Variants in ANO2 observed in about 807,000 individuals in gnomAD.
ANO2 encodes the protein anoctamin-2.
Under a neutral mutation model 124.2 loss-of-function variants are expected in ANO2, and 101 were observed. The ratio of observed to expected loss-of-function variants is 0.81; its 90% CI spans 0.69 to 0.96. The LOEUF is 0.96. Ranked by LOEUF, ANO2 falls within the 40% of genes least tolerant of loss-of-function variation. ANO2 has a pLI of 0.00. For synonymous variants in ANO2, 486 were observed against 482.5 expected, an observed-to-expected ratio of 1.01 and a Z score of -0.09; for missense variants, 1,293 against 1,274.5, an observed-to-expected ratio of 1.01 and a Z score of -0.22.
chr12:5,667,701 C>T (rs972642797), intron 14 of ANO2, among the ~76,000 whole-genome samples: 3 of 152,088 alleles, frequency 2.0e-5, no homozygotes, highest in African/African-American at 7.2e-5. Context: ...CTCTCCCTAC[C>T]CCCTTCCATC....
chr12:5,801,451 C>A (rs1953035934), intron 9 of ANO2, among the ~76,000 whole-genome samples: 1 of 152,172 alleles, frequency 6.6e-6, no homozygotes. Context: ...ACACATTTCA[C>A]GAGGAAATCT....
chr12:5,593,988 A>G (rs567514225), intron 20 of ANO2, among the ~76,000 whole-genome samples: 1 of 152,368 alleles, frequency 6.6e-6, no homozygotes, highest in East Asian at 1.9e-4. Context: ...CAGAGATAAA[A>G]GAGATGAACG....
In ANO2 at chr12:5,923,066, A is replaced by ACACACG. The variant is rs1565783300; in HGVS notation, c.23-263_23-262insCGTGTG. Reference sequence around the variant, plus strand: ...TGCACGCACACACACCCACATACACACACACATGCACACATACACACACAC... The same window carrying ACACACG: ...TGCACGCACACACACCCACATACACACACACGCACACATGCACACATACACACACAC... On this transcript the variant is annotated intron_variant, in intron 1 of 24. Coordinates refer to ENST00000682330, the MANE Select transcript of ANO2 (RefSeq NM_001364791.2). Among the ~76,000 whole-genome samples the ACACACG allele has an allele frequency of 7.2e-5, 8 of 111,352 alleles. 1 individual carries two copies. Among genetic ancestry groups the ACACACG allele is most frequent in the Non-Finnish European group, 1.4e-4 (7 of 50,990 alleles). 73.1% of individuals were successfully genotyped at this position (111,352 alleles called of 152,430 possible).
chr12:5,737,272 G>C (rs1950908667), intron 13 of ANO2, among the ~76,000 whole-genome samples: 1 of 152,188 alleles, frequency 6.6e-6, no homozygotes, highest in Admixed American at 6.5e-5. Context: ...TTAGGCCCTG[G>C]GTAAACCCAG....
chr12:5,888,144 G>A (rs1939086243), intron 3 of ANO2, among the ~76,000 whole-genome samples: 1 of 152,106 alleles, frequency 6.6e-6, no homozygotes, highest in Admixed American at 6.5e-5. Flanking sequence ...TCCTCCTGGT[G>A]GGTTTGTGGT....
intron 4 of ANO2, among the ~76,000 whole-genome samples, 171 bp downstream of exon 4, chr12:5,853,871 GT>G (rs1197191228): frequency 3.4e-5 from 1 of 29,362 alleles, no homozygotes; most frequent in Admixed American, 4.8e-4. Context: ...ACTCTTCCCC[GT>G]CCCCGTCCCC....
intron 3 of ANO2, among the ~76,000 whole-genome samples, chr12:5,866,876 C>A (rs1220424532): frequency 6.6e-6 from 1 of 152,242 alleles, no homozygotes; most frequent in African/African-American, 2.4e-5. Context: ...GTCAAGGAAC[C>A]TTTAAGAAAA....
At chr12:5,844,465 G>C (rs902321241) in intron 4 of ANO2, among the ~76,000 whole-genome samples, 1 of 152,212 alleles carries the variant, frequency 6.6e-6, no homozygotes, top group Non-Finnish European at 1.5e-5. Flanking sequence ...GAATGTAACT[G>C]ACCCCAAAAG....
At chr12:5,903,154 G>C (rs992005669) in intron 3 of ANO2, among the ~76,000 whole-genome samples, 4 of 151,772 alleles carry the variant, frequency 2.6e-5, no homozygotes, top group African/African-American at 9.7e-5. Flanking sequence ...GTCTCATGCT[G>C]GTCTGTAAAG....
At chr12:5,660,090 T>C (rs1947363703) in intron 14 of ANO2, among the ~76,000 whole-genome samples, 1 of 152,172 alleles carries the variant, frequency 6.6e-6, no homozygotes, top group South Asian at 2.1e-4. Context: ...TTAATGATGG[T>C]TCGACTTACA....
chr12:5,613,170 G>A (rs746637117), intron 17 of ANO2, among the ~76,000 whole-genome samples: 14 of 152,126 alleles, frequency 9.2e-5, no homozygotes, highest in Admixed American at 3.9e-4. Context: ...CCAGTCAAAT[G>A]TCAGACGATA....
chr12:5,775,747 G>C (rs1485887073), intron 10 of ANO2, among the ~76,000 whole-genome samples: 1 of 152,130 alleles, frequency 6.6e-6, no homozygotes, highest in East Asian at 1.9e-4. Flanking sequence ...TTATTTAGAT[G>C]TGTGTCAGAA....
rs560164288 is a variant in ANO2, at chr12:5,793,572, G to A, written c.1055+5935C>T. Among the ~76,000 whole-genome samples, 8 of 152,340 alleles carry A rather than the reference G, an allele frequency of 5.3e-5. No homozygotes were observed. The South Asian group carries it at 1.7e-3, about 32-fold the overall frequency. On this transcript the variant is annotated intron_variant, in intron 10 of 24. Coordinates refer to ENST00000682330, the MANE Select transcript of ANO2 (RefSeq NM_001364791.2). Reference sequence around the variant, plus strand: ...CTGATCAAGGAGGCAATGAGCTGATGCCAGACAGCTCCTTCCTTCCCCAGC... The same window carrying A: ...CTGATCAAGGAGGCAATGAGCTGATACCAGACAGCTCCTTCCTTCCCCAGC...
At chr12:5,603,954 A>AAG in intron 19 of ANO2, among the ~76,000 whole-genome samples, 1 of 150,768 alleles carries the variant, frequency 6.6e-6, no homozygotes, top group East Asian at 1.9e-4. Context: ...CAAAAAAAAA[A>AAG]AAAAAAAAAA....
At chr12:5,922,872 TGA>T (rs1215899332) in intron 1 of ANO2, 68 bp from the exon 2 acceptor site, 5 of 1,397,410 alleles carry the variant, frequency 3.6e-6, no homozygotes, top group Non-Finnish European at 4.7e-6. Flanking sequence ...ACTGAGGTAC[TGA>T]GTGTACTCAG....
At chr12:5,881,191 G>A (rs1490232025) in intron 3 of ANO2, among the ~76,000 whole-genome samples, 1 of 152,118 alleles carries the variant, frequency 6.6e-6, no homozygotes, top group African/African-American at 2.4e-5. Context: ...CCTTCCAAAG[G>A]TCACTCCATC....
At chr12:5,933,552 T>G (rs1942522677) in intron 1 of ANO2, among the ~76,000 whole-genome samples, 1 of 152,052 alleles carries the variant, frequency 6.6e-6, no homozygotes, top group Admixed American at 6.6e-5. Flanking sequence ...ATGGACAGAT[T>G]CCTAACTGTT....
chr12:5,935,519 T>C (rs1253591029), intron 1 of ANO2, among the ~76,000 whole-genome samples: 1 of 152,194 alleles, frequency 6.6e-6, no homozygotes, highest in African/African-American at 2.4e-5. Context: ...TCTAGCCAAA[T>C]GCAGATCGCT....
rs142645784 is a variant in ANO2 at position 5,899,477 on chromosome 12, G to C, written c.534+21563C>G. ...GTCACAGATCTCAACTGGAGCCCCA[G>C]CTTCACCTCCGCAAGCCTCTGTTTC... On this transcript the variant is annotated intron_variant, in intron 3 of 24. Transcript: ENST00000682330. 3.3e-3 allele frequency among the ~76,000 whole-genome samples: 502 copies of C among 152,298 alleles called. 1 individual carries two copies. The highest frequency in any genetic ancestry group is 0.011 in the African/African-American group (469 of 41,570).
Sources: allele counts gnomAD v4.1 joint callset (sites outside exome capture counted in the v4.1 genomes callset), GRCh38; gene constraint gnomAD v4.1.1; transcripts MANE v1.5; gene names NCBI Gene and HGNC (gene_info 2026-07-23, HGNC 2026-07-21).